SLC14A2: variants seen among roughly 807,000 people sequenced by gnomAD.
The protein encoded by SLC14A2 is solute carrier family 14 member 2, also known as urea transporter 2.
Under a neutral mutation model 104.6 loss-of-function variants are expected in SLC14A2, and 91 were observed. The ratio of observed to expected loss-of-function variants is 0.87; its 90% CI spans 0.73 to 1.04. SLC14A2 has a LOEUF of 1.04. Among genes scored for constraint, SLC14A2 ranks in the 50% least tolerant of loss-of-function variants. The pLI is 0.00. For missense variants in SLC14A2, 1,189 were observed against 1,156.0 expected (o/e 1.03, Z -0.41); for synonymous variants, 476 against 466.4 (o/e 1.02, Z -0.27).
chr18:45,578,905 C>T lies in SLC14A2; in HGVS notation c.-34-45726C>T, dbSNP rs531122906. 1.4e-4 allele frequency among the ~76,000 whole-genome samples: 22 copies of T among 152,310 alleles called. 1 individual carries two copies. In the South Asian group the frequency reaches 4.1e-3, roughly 29 times the overall value. On this transcript the variant is annotated intron_variant, in intron 2 of 20. Coordinates refer to the SLC14A2 transcript ENST00000586448. ...GGCTGGCTGGTCTAGGATGGCCTTGCTCATGTGTCTGTGGGCAGCTAGAAG... is the reference window on the plus strand; with the variant it reads ...GGCTGGCTGGTCTAGGATGGCCTTGTTCATGTGTCTGTGGGCAGCTAGAAG...
intron 1 of SLC14A2, among the ~76,000 whole-genome samples, chr18:45,315,423 T>A (rs748920069): frequency 6.6e-6 from 1 of 152,170 alleles, no homozygotes; most frequent in African/African-American, 2.4e-5. Flanking sequence ...ATGTTTGGGA[T>A]AAGAACACTA....
intron 2 of SLC14A2, among the ~76,000 whole-genome samples, chr18:45,569,180 C>T (rs919733976): frequency 1.3e-5 from 2 of 152,200 alleles, no homozygotes; most frequent in Admixed American, 1.3e-4. Context: ...CTTCTCAACA[C>T]AGAGCTTCAA....
At chr18:45,622,745 C>T (rs1655822353) in intron 1 of SLC14A2, among the ~76,000 whole-genome samples, 1 of 152,152 alleles carries the variant, frequency 6.6e-6, no homozygotes. Flanking sequence ...ACTCTCAGAA[C>T]ACCACTGAGC....
chr18:45,414,733 G>C (rs1208433264), intron 1 of SLC14A2, among the ~76,000 whole-genome samples: 1 of 107,068 alleles, frequency 9.3e-6, no homozygotes, highest in African/African-American at 3.7e-5. Flanking sequence ...TGCGGTGCAA[G>C]GCACCGAGCG....
chr18:45,250,436 CTTA>C (rs2084409446), intron 1 of SLC14A2, among the ~76,000 whole-genome samples: 1 of 151,936 alleles, frequency 6.6e-6, no homozygotes, highest in African/African-American at 2.4e-5. Context: ...TAATTTTATT[CTTA>C]TTTTCTCCTC....
chr18:45,454,547 C>T (rs1408725570), intron 1 of SLC14A2, among the ~76,000 whole-genome samples: 3 of 152,144 alleles, frequency 2.0e-5, no homozygotes, highest in Admixed American at 2.0e-4. Flanking sequence ...GTTCCCATTG[C>T]TTTTGGTATT....
chr18:45,291,821 G>A (rs2144168475), intron 1 of SLC14A2, among the ~76,000 whole-genome samples: 1 of 152,060 alleles, frequency 6.6e-6, no homozygotes, highest in East Asian at 1.9e-4. Flanking sequence ...GGGTTTCTCC[G>A]GGGGCGGTTG....
chr18:45,423,815 C>T (rs1048731346), intron 1 of SLC14A2: 6 of 152,182 alleles, frequency 3.9e-5, no homozygotes, highest in Admixed American at 1.3e-4. Context: ...GGCAGAAGTG[C>T]TGGTAATTGG....
chr18:45,456,641 G>A lies in SLC14A2; in HGVS notation c.-124-26592G>A, dbSNP rs1042493866. Among the ~76,000 whole-genome samples, 15 of 152,228 alleles carry A rather than the reference G, an allele frequency of 9.9e-5. 1 individual carries two copies. The highest frequency in any genetic ancestry group is 7.8e-4 in the Admixed American group (12 of 15,298). ...GTCTCCAGTGAATTACCCTCTCCAC[G>A]TACTGGAGGACGTGTAGCTTTCTCA... On this transcript the variant is annotated intron_variant, in intron 1 of 20. Transcript: ENST00000586448.
chr18:45,559,579 G>C (rs926727907), intron 2 of SLC14A2, among the ~76,000 whole-genome samples: 2 of 152,148 alleles, frequency 1.3e-5, no homozygotes, highest in African/African-American at 4.8e-5. Flanking sequence ...GGGAAATTAG[G>C]TGTCTCAGGT....
intron 1 of SLC14A2, among the ~76,000 whole-genome samples, chr18:45,415,817 G>A (rs543021623): frequency 3.3e-5 from 5 of 152,080 alleles, no homozygotes; most frequent in Non-Finnish European, 7.4e-5. Flanking sequence ...GTCTGTGGGG[G>A]ATATTTCATC....
chr18:45,299,604 G>A (rs1413861967), intron 1 of SLC14A2, among the ~76,000 whole-genome samples: 4 of 152,202 alleles, frequency 2.6e-5, no homozygotes, highest in African/African-American at 9.6e-5. Flanking sequence ...TGGGACTGCA[G>A]GCACACATCA....
chr18:45,468,886 C>G (rs542879975), intron 1 of SLC14A2, among the ~76,000 whole-genome samples: 2 of 152,172 alleles, frequency 1.3e-5, no homozygotes, highest in East Asian at 1.9e-4. Flanking sequence ...AGAAGAAGCA[C>G]AAGACATAAT....
chr18:45,192,435 G>A, the SLC14A2 span, among the ~76,000 whole-genome samples: 289 of 152,248 alleles, frequency 1.9e-3, 1 homozygote, highest in Non-Finnish European at 3.2e-3. Flanking sequence ...GAGTAATAAG[G>A]ATTGGAGTAC....
intron 1 of SLC14A2, among the ~76,000 whole-genome samples, chr18:45,388,220 G>C (rs998636031): frequency 2.0e-5 from 3 of 151,514 alleles, no homozygotes; most frequent in African/African-American, 7.3e-5. Context: ...CTGCCAACAC[G>C]CCCGGCTAAT....
intron 11 of SLC14A2, among the ~76,000 whole-genome samples, chr18:45,664,833 G>T (rs1007225391): frequency 6.6e-6 from 1 of 152,192 alleles, no homozygotes; most frequent in South Asian, 2.1e-4. Flanking sequence ...TCAGGAGTTT[G>T]TCTTTGATAG....
intron 2 of SLC14A2, among the ~76,000 whole-genome samples, chr18:45,594,519 C>A (rs1390929569): frequency 6.6e-6 from 1 of 152,148 alleles, no homozygotes; most frequent in Non-Finnish European, 1.5e-5. Context: ...GTCCCTCTCT[C>A]TCTGATCCCC....
chr18:45,475,619 G>T (rs1336436657), intron 1 of SLC14A2, among the ~76,000 whole-genome samples: 2 of 68,276 alleles, frequency 2.9e-5, no homozygotes, highest in African/African-American at 5.2e-5. Flanking sequence ...ATATATTTAG[G>T]ATATATATAT....
intron 1 of SLC14A2, among the ~76,000 whole-genome samples, chr18:45,314,694 G>A (rs1370941264): frequency 2.0e-5 from 3 of 152,178 alleles, no homozygotes; most frequent in Non-Finnish European, 4.4e-5. Context: ...ATTTTTTGAT[G>A]TACTAGGTGA....
Sources: gnomAD v4.1 joint callset for allele counts (sites outside exome capture counted in the v4.1 genomes callset) on GRCh38, gnomAD v4.1.1 for gene constraint, MANE v1.5 for transcripts, NCBI Gene and HGNC (gene_info 2026-07-23, HGNC 2026-07-21) for gene names.